The following ZNF81 variants were observed in gnomAD, a reference collection of about 807,000 sequenced individuals.
ZNF81 encodes the protein zinc finger protein 81.
A neutral mutation model predicts 32.3 loss-of-function variants in ZNF81; 5 were observed. That is an observed-to-expected ratio of 0.15 (90% CI 0.08 to 0.33). The LOEUF (loss-of-function observed/expected upper bound fraction) is 0.33, where lower values mean the gene tolerates loss of function less well. Among genes scored for constraint, ZNF81 ranks in the 10% least tolerant of loss-of-function variants. The pLI, the probability that ZNF81 is intolerant of heterozygous loss-of-function variation, is 1.00. For missense variants in ZNF81, 379 were observed against 479.8 expected, an observed-to-expected ratio of 0.79 and a Z score of 1.96; for synonymous variants, 163 against 166.8, an observed-to-expected ratio of 0.98 and a Z score of 0.17.
chrX:47,901,502 G>A (rs140699462), intron 4 of ZNF81, among the ~76,000 whole-genome samples: 1,159 of 111,766 alleles, frequency 0.01, 18 homozygotes, highest in African/African-American at 0.037. Flanking sequence ...CTAGTTTGAT[G>A]AGAGTCTTAA....
At chrX:47,901,055 C>T (rs1556887905) in intron 4 of ZNF81, among the ~76,000 whole-genome samples, 2 of 110,969 alleles carry the variant, frequency 1.8e-5, no homozygotes, top group Non-Finnish European at 3.8e-5. Flanking sequence ...ACGTGCTAGT[C>T]ACTTCCTCTA....
At chrX:47,840,894 T>G in intron 1 of ZNF81, 3 of 433,816 alleles carry the variant, frequency 6.9e-6, no homozygotes, top group Non-Finnish European at 1.2e-5. Flanking sequence ...TGATAAAAAT[T>G]CCCCCCAAAA....
At chrX:47,891,287 G>A (rs183611824) in intron 3 of ZNF81, among the ~76,000 whole-genome samples, 5 of 112,984 alleles carry the variant, frequency 4.4e-5, no homozygotes, top group Middle Eastern at 4.6e-3. Flanking sequence ...TGAAGAGCAA[G>A]TGTAATTAGA....
Position 47,917,382 on chromosome X carries a change from T to A in ZNF81, c.*750T>A. On this transcript the variant is annotated 3_prime_UTR_variant, in exon 5 of 5. Transcript: ENST00000338637. ...GGTACAATGCAAAGTAGCCACAGATTCCTCCCATCCCAAGTAGCGTCTCTT... is the reference window on the plus strand; with the variant it reads ...GGTACAATGCAAAGTAGCCACAGATACCTCCCATCCCAAGTAGCGTCTCTT... The A allele has an allele frequency of 3.4e-6, 1 of 296,159 alleles. No individual in the cohort carries two copies. Among genetic ancestry groups the A allele is most frequent in the Non-Finnish European group, 5.9e-6 (1 of 169,299 alleles). 24.4% of individuals were successfully genotyped at this position (296,159 alleles called of 1,213,427 possible). A position where few individuals can be genotyped will look rare whatever the true frequency, so the allele number is the denominator to read the frequency against.
intron 2 of ZNF81, chrX:47,861,128 A>G (rs782533861): frequency 8.9e-6 from 1 of 111,810 alleles, no homozygotes; most frequent in East Asian, 2.8e-4. Context: ...ATTTATAGCC[A>G]ATTAGTGGGA....
In ZNF81 at chrX:47,904,259, C is replaced by T. The variant is rs1603206465; in HGVS notation, c.277+8319C>T. ...AGCTTCTGCACAGCAAAAGAAACTA[C>T]CATGAGTGAACAGGCAACCTACAAA... is the stretch of plus-strand genomic sequence containing the variant. On this transcript the variant is annotated intron_variant, in intron 4 of 4. Transcript: ENST00000338637. Among the ~76,000 whole-genome samples the T allele has an allele frequency of 3.6e-5, 4 of 110,153 alleles. No homozygotes were observed. In the South Asian group the frequency reaches 1.6e-3, roughly 43 times the overall value.
chrX:47,895,228 G>A (rs1258298180), intron 3 of ZNF81, among the ~76,000 whole-genome samples: 1 of 111,387 alleles, frequency 9.0e-6, no homozygotes, highest in African/African-American at 3.3e-5. Context: ...AGGTAATCAA[G>A]TTAAAGTGAG....
At chrX:47,862,140 C>T (rs1556882634) in intron 2 of ZNF81, among the ~76,000 whole-genome samples, 1 of 111,327 alleles carries the variant, frequency 9.0e-6, no homozygotes, top group Non-Finnish European at 1.9e-5. Context: ...GGTAGTGATT[C>T]CTTACACACT....
Position 47,918,887 on chromosome X carries a change from GTCC to G in ZNF81, c.*2261_*2263del. 6.7e-6 allele frequency: 1 copy of G among 150,315 alleles called. No homozygotes were observed. Among genetic ancestry groups the G allele is most frequent in the Non-Finnish European group, 1.3e-5 (1 of 75,325 alleles). The allele number at this position is 150,315 out of a possible 1,213,427, so 12.4% of individuals were successfully genotyped here. A position where few individuals can be genotyped will look rare whatever the true frequency, so the allele number is the denominator to read the frequency against. On this transcript the variant is annotated 3_prime_UTR_variant, in exon 5 of 5. Coordinates refer to ENST00000338637, the MANE Select transcript of ZNF81 (RefSeq NM_007137.5). ...AACAGTGACTGATATGTGCCTCATG[GTCC>G]TCCTCTTTTTGAATGGGAGTGTCTA... is the stretch of plus-strand genomic sequence containing the variant.
At chrX:47,903,103 A>G (rs1372944871) in intron 4 of ZNF81, among the ~76,000 whole-genome samples, 2 of 110,758 alleles carry the variant, frequency 1.8e-5, no homozygotes, top group Non-Finnish European at 3.8e-5. Context: ...AGCCAATATC[A>G]TACTGAATGG....
intron 1 of ZNF81, among the ~76,000 whole-genome samples, chrX:47,845,818 A>G (rs1235641396): frequency 1.8e-5 from 2 of 112,206 alleles, no homozygotes; most frequent in East Asian, 5.6e-4. Context: ...TTTCATAACC[A>G]CTTGAGATAA....
chrX:47,912,391 T>C (rs1203766085), intron 4 of ZNF81, among the ~76,000 whole-genome samples: 1 of 104,077 alleles, frequency 9.6e-6, no homozygotes, highest in Non-Finnish European at 2.0e-5. Context: ...TATCTAAAAA[T>C]CTCTTATTGA....
rs367986576 is a variant in ZNF81 at position 47,849,659 on chromosome X, C to T, written c.54+3338C>T. Among the ~76,000 whole-genome samples the T allele has an allele frequency of 1.5e-4, 16 of 103,712 alleles. No individual in the cohort carries two copies. The East Asian group carries it at 3.6e-3, about 23-fold the overall frequency. 90.1% of individuals were successfully genotyped at this position (103,712 alleles called of 115,157 possible). A position where few individuals can be genotyped will look rare whatever the true frequency, so the allele number is the denominator to read the frequency against. Reference sequence around the variant, plus strand: ...TGCACTCCAGTCTGGGTGACAAGAGCGAGACTCCGTCTCAAAAAAAAAAAA... The same window carrying T: ...TGCACTCCAGTCTGGGTGACAAGAGTGAGACTCCGTCTCAAAAAAAAAAAA... On this transcript the variant is annotated intron_variant, in intron 2 of 4. Coordinates refer to ENST00000338637, the MANE Select transcript of ZNF81 (RefSeq NM_007137.5).
chrX:47,894,531 G>A (rs2058673282), intron 3 of ZNF81, among the ~76,000 whole-genome samples: 1 of 111,288 alleles, frequency 9.0e-6, no homozygotes, highest in African/African-American at 3.3e-5. Flanking sequence ...GAATCATTGT[G>A]TGTCTCCTGG....
chrX:47,909,010 T>A (rs1192345347), intron 4 of ZNF81, among the ~76,000 whole-genome samples: 1 of 112,127 alleles, frequency 8.9e-6, no homozygotes, highest in Non-Finnish European at 1.9e-5. Flanking sequence ...CATATGAGTA[T>A]TGGAGTTCAG....
intron 2 of ZNF81, chrX:47,861,177 G>A (rs1556882515): frequency 9.0e-6 from 1 of 111,299 alleles, no homozygotes; most frequent in African/African-American, 3.3e-5. Context: ...TGTCTGAAGT[G>A]GGGACAGTCT....
rs1236013612 is a variant in ZNF81 at position 47,918,250 on chromosome X, T to C, written c.*1618T>C. Reference sequence around the variant, plus strand: ...AAAAATAATGCTTTCACATCACTAGTCTCTCCAGCTATCTAACTATTCGCA... The same window carrying C: ...AAAAATAATGCTTTCACATCACTAGCCTCTCCAGCTATCTAACTATTCGCA... On this transcript the variant is annotated 3_prime_UTR_variant, in exon 5 of 5. Coordinates refer to ENST00000338637, the MANE Select transcript of ZNF81 (RefSeq NM_007137.5). The C allele has an allele frequency of 5.4e-5, 6 of 111,517 alleles. No individual in the cohort carries two copies. In the Admixed American group the frequency reaches 5.7e-4, roughly 11 times the overall value. 9.2% of individuals were successfully genotyped at this position (111,517 alleles called of 1,213,427 possible). A position where few individuals can be genotyped will look rare whatever the true frequency, so the allele number is the denominator to read the frequency against.
chrX:47,867,183 G>C (rs1341896725), intron 2 of ZNF81, among the ~76,000 whole-genome samples: 4 of 111,499 alleles, frequency 3.6e-5, no homozygotes, highest in African/African-American at 1.3e-4. Flanking sequence ...GTTGATAGGT[G>C]CAGCAAACCA....
chrX:47,914,997 T>G lies in ZNF81; in HGVS notation c.351T>G (p.Gly117=). The G allele has an allele frequency of 1.7e-6, 2 of 1,206,751 alleles. No individual in the cohort carries two copies. The highest frequency in any genetic ancestry group is 2.2e-6 in the Non-Finnish European group (2 of 892,882). Reference sequence around the variant, plus strand: ...CTACATTTCATAGTGAAATGGAGGGTGAAGACACAAGAGATGATTCATTAT... The same window carrying G: ...CTACATTTCATAGTGAAATGGAGGGGGAAGACACAAGAGATGATTCATTAT... ...GKSTFHSEME[G]EDTRDDSLYS... is the part of the protein sequence containing the mutation. The change falls in exon 5 of 5, where the codon GGT becomes GGG. Residue 117 remains glycine (G), a synonymous_variant. Coordinates refer to ENST00000338637, the MANE Select transcript of ZNF81 (RefSeq NM_007137.5).
Sources: allele counts gnomAD v4.1 joint callset (sites outside exome capture counted in the v4.1 genomes callset), GRCh38; gene constraint gnomAD v4.1.1; transcripts MANE v1.5; gene names NCBI Gene and HGNC (gene_info 2026-07-23, HGNC 2026-07-21).